The following ZNF250 variants were observed in gnomAD, a reference collection of about 807,000 sequenced individuals.
ZNF250 encodes the protein zinc finger protein 250, also known as zinc finger protein (clone 647).
A neutral mutation model predicts 37.1 loss-of-function variants in ZNF250; 13 were observed. The ratio of observed to expected loss-of-function variants is 0.35; its 90% CI spans 0.23 to 0.56. The LOEUF (loss-of-function observed/expected upper bound fraction) is 0.56, where lower values mean the gene tolerates loss of function less well. ZNF250 is among the 20% of genes least tolerant of loss of function. The pLI, the probability that ZNF250 is intolerant of heterozygous loss-of-function variation, is 0.87. For synonymous variants in ZNF250, 251 were observed against 265.6 expected, an observed-to-expected ratio of 0.94 and a Z score of 0.54; for missense variants, 474 against 697.9, an observed-to-expected ratio of 0.68 and a Z score of 3.61.
chr8:144,897,045 A>G lies in ZNF250; in HGVS notation c.-55+4354T>C, dbSNP rs2129883923. On this transcript the variant is annotated intron_variant, in intron 1 of 5. Coordinates refer to ENST00000417550, the MANE Select transcript of ZNF250 (RefSeq NM_001109689.4). This position sits in a 1 kb window ranked among gnomAD's most constrained non-coding sequence, Gnocchi z 5.2. ...CTGGCTTTCCAGTTTTCTTTAGGTG[A>G]TCAAAAGCCACATCGCAGTGAGACA... Among the ~76,000 whole-genome samples, 1 of 152,362 alleles carries G rather than the reference A, an allele frequency of 6.6e-6. No individual in the cohort carries two copies. The highest frequency in any genetic ancestry group is 6.5e-5 in the Admixed American group (1 of 15,302).
intron 5 of ZNF250, among the ~76,000 whole-genome samples, chr8:144,884,913 C>T (rs144293419): frequency 6.6e-6 from 1 of 152,126 alleles, no homozygotes; most frequent in East Asian, 1.9e-4. Context: ...TTCCACTTTA[C>T]TGATGAATAA....
intron 1 of ZNF250, chr8:144,895,030 A>C (rs1832616584): frequency 6.6e-6 from 1 of 152,192 alleles, no homozygotes; most frequent in Admixed American, 6.6e-5. Context: ...ATAGCCAAGT[A>C]CGGAGTCAAC....
chr8:144,902,076 C>G (rs951301820), upstream of ZNF250: 3 of 152,390 alleles, frequency 2.0e-5, no homozygotes, highest in Admixed American at 2.0e-4. Context: ...GCTGCGAGGT[C>G]CGAGGCGCAG....
In ZNF250 at chr8:144,890,672, C is replaced by A. The variant is rs1201361472; in HGVS notation, c.-54-269G>T. Among the ~76,000 whole-genome samples the A allele has an allele frequency of 6.6e-6, 1 of 152,154 alleles. No individual in the cohort carries two copies. Among genetic ancestry groups the A allele is most frequent in the Non-Finnish European group, 1.5e-5 (1 of 68,020 alleles). On this transcript the variant is annotated intron_variant, in intron 1 of 5. Coordinates refer to ENST00000417550, the MANE Select transcript of ZNF250 (RefSeq NM_001109689.4). This position sits in a 1 kb window ranked among gnomAD's most constrained non-coding sequence, Gnocchi z 5.1. ...CTCTCTGAACACCAGGTGCAAGGCA[C>A]TTGCTGCACCCTGGTCCCGGCCCAT...
intron 3 of ZNF250, 104 bp downstream of exon 3, chr8:144,889,829 G>T: frequency 1.4e-6 from 2 of 1,481,008 alleles, no homozygotes; most frequent in Non-Finnish European, 1.8e-6. Context: ...GAGGTGATGA[G>T]AGCAAACCTC....
chr8:144,898,322 CAAACAAAACAAAACAAAACA>C (rs139656437), intron 1 of ZNF250, among the ~76,000 whole-genome samples: 1 of 151,560 alleles, frequency 6.6e-6, no homozygotes, highest in Non-Finnish European at 1.5e-5. Context: ...AATAAACAAA[CAAACAAAACAAAACAAAACA>C]AAACAAAACA....
In ZNF250 at chr8:144,882,649, G is replaced by T. The variant is rs1447574475; in HGVS notation, c.534C>A (p.Ser178Arg). 2.5e-6 allele frequency: 4 copies of T among 1,614,024 alleles called. No individual in the cohort carries two copies. Among genetic ancestry groups the T allele is most frequent in the Admixed American group, 3.3e-5 (2 of 60,028 alleles). Residue 178 changes from serine (S) to arginine (R), a missense_variant, in exon 6 of 6, where the codon AGC becomes AGA. This residue lies in a region of ZNF250 where 192 missense variants were observed against 227.5 expected (regional missense o/e 0.84). Coordinates refer to ENST00000417550, the MANE Select transcript of ZNF250 (RefSeq NM_001109689.4). The surrounding 1 kb of genome is among the most constrained non-coding windows in gnomAD (Gnocchi z 5.5). The part of the protein sequence containing the change: ...DHREVQVLSQ[S>R]MPLTPHQAVP... ...CTGCCTGGTGCGGAGTGAGTGGCAT[G>T]CTTTGGCTTAAGACCTGAACTTCAC...
chr8:144,881,902 G>T lies in ZNF250; in HGVS notation c.1281C>A (p.Phe427Leu), dbSNP rs1450467717. ...GCTGGATCAGGTGTGAGTGCTGAAC[G>T]AAGGCCTTCCCACATTCGTAGCATG... ...PYACYECGKAFVQHSHLIQHQ... is the reference protein window; with the variant it reads ...PYACYECGKALVQHSHLIQHQ... The change falls in exon 6 of 6, where the codon TTC (phenylalanine) becomes TTA (leucine). Residue 427 changes from phenylalanine to leucine, a missense_variant. This residue lies in a region of ZNF250 where 282 missense variants were observed against 470.4 expected (regional missense o/e 0.60). Coordinates refer to ENST00000417550, the MANE Select transcript of ZNF250 (RefSeq NM_001109689.4). 6.2e-7 allele frequency: 1 copy of T among 1,614,082 alleles called. No individual in the cohort carries two copies. The highest frequency in any genetic ancestry group is 8.5e-7 in the Non-Finnish European group (1 of 1,180,008).
chr8:144,895,909 T>C (rs767993281), intron 1 of ZNF250, among the ~76,000 whole-genome samples: 3 of 148,544 alleles, frequency 2.0e-5, no homozygotes, highest in Non-Finnish European at 3.0e-5. Context: ...CTCAGGAGGC[T>C]GAGGCAAGAA....
At position 144,893,361 on chromosome 8, in the gene ZNF250, C is replaced by T. The variant is rs1388195617; in HGVS notation, c.-54-2958G>A. Reference sequence around the variant, plus strand: ...ATTTCTTTATTTTGAAACAGAATCTCGCTCTGTCACCCAGGCTGGAGTGCA... The same window carrying T: ...ATTTCTTTATTTTGAAACAGAATCTTGCTCTGTCACCCAGGCTGGAGTGCA... On this transcript the variant is annotated intron_variant, in intron 1 of 5. Coordinates refer to ENST00000417550, the MANE Select transcript of ZNF250 (RefSeq NM_001109689.4). 6.6e-5 allele frequency among the ~76,000 whole-genome samples: 10 copies of T among 150,950 alleles called. No homozygotes were observed. In the South Asian group the frequency reaches 1.9e-3, roughly 29 times the overall value.
At position 144,890,154 on chromosome 8, in the gene ZNF250, G is replaced by C. The variant is rs1044087705; in HGVS notation, c.43-95C>G. ...ACATGTGACATGAGCAGTTGGCAGTGGGGGGCTCTGTGAGCTGAGGTGGGT... is the reference window on the plus strand; with the variant it reads ...ACATGTGACATGAGCAGTTGGCAGTCGGGGGCTCTGTGAGCTGAGGTGGGT... On this transcript the variant is annotated intron_variant, in intron 2 of 5. Coordinates refer to ENST00000417550, the MANE Select transcript of ZNF250 (RefSeq NM_001109689.4). The surrounding 1 kb of genome is among the most constrained non-coding windows in gnomAD (Gnocchi z 5.1). The C allele has an allele frequency of 3.2e-6, 5 of 1,551,538 alleles. No homozygotes were observed. The East Asian group carries it at 9.6e-5, about 30-fold the overall frequency.
rs1056321077 is a variant in ZNF250, at chr8:144,901,366, C to G, written c.-55+33G>C. On this transcript the variant is annotated intron_variant, in intron 1 of 5. Transcript: ENST00000417550. This position sits in a 1 kb window ranked among gnomAD's most constrained non-coding sequence, Gnocchi z 5.4. ...TCCGGTGTCCGTGATGGGAGAGGGT[C>G]CTGGCCGGCGACGACACGCGCCCCC... 2.0e-5 allele frequency: 3 copies of G among 152,654 alleles called. No homozygotes were observed. Among genetic ancestry groups the G allele is most frequent in the African/African-American group, 4.8e-5 (2 of 41,428 alleles). 9.5% of individuals were successfully genotyped at this position (152,654 alleles called of 1,614,324 possible). A position where few individuals can be genotyped will look rare whatever the true frequency, so the allele number is the denominator to read the frequency against.
intron 1 of ZNF250, among the ~76,000 whole-genome samples, chr8:144,895,933 T>G (rs541673602): frequency 4.2e-4 from 60 of 142,918 alleles, no homozygotes; most frequent in African/African-American, 1.6e-3. Flanking sequence ...AGCTTGAACC[T>G]GGGAGACAGA....
chr8:144,877,583 C>A lies in ZNF250; in HGVS notation c.*3932G>T, dbSNP rs1831209955. 1 of 152,162 alleles carries A rather than the reference C, an allele frequency of 6.6e-6. No homozygotes were observed. The highest frequency in any genetic ancestry group is 2.4e-5 in the African/African-American group (1 of 41,424). The allele number at this position is 152,162 out of a possible 1,614,324, so 9.4% of individuals were successfully genotyped here. ...AGTAGGTCATGTGCCACCTCTTTCT[C>A]CTTGGAGAGGAGGAGGTGAGTGGCA... On this transcript the variant is annotated 3_prime_UTR_variant, in exon 6 of 6. Coordinates refer to ENST00000417550, the MANE Select transcript of ZNF250 (RefSeq NM_001109689.4).
intron 4 of ZNF250, among the ~76,000 whole-genome samples, chr8:144,887,316 A>G (rs939258466): frequency 2.6e-5 from 4 of 151,526 alleles, no homozygotes; most frequent in African/African-American, 4.9e-5. Context: ...TACAACATGT[A>G]ATTTACTGAG....
rs61745633 is a variant in ZNF250 at position 144,882,256 on chromosome 8, C to T, written c.927G>A (p.Pro309=). 2,958 of 1,613,838 alleles carry T rather than the reference C, an allele frequency of 1.8e-3. 42 individuals are homozygous for T. In the African/African-American group the frequency reaches 0.031, roughly 17 times the overall value. The stretch of plus-strand genomic sequence containing the variant: ...TATGGTTGAAGGCTTTCCCACACAA[C>T]GGACACACATATGGCCTTTCTCCCG... The part of the protein sequence containing the change: ...IHTGERPYVC[P]LCGKAFNHST... Residue 309 remains proline (P), a synonymous_variant, in exon 6 of 6, where the codon CCG becomes CCA. Coordinates refer to ENST00000417550, the MANE Select transcript of ZNF250 (RefSeq NM_001109689.4). This position sits in a 1 kb window ranked among gnomAD's most constrained non-coding sequence, Gnocchi z 5.5.
chr8:144,885,597 G>T (rs1414501504), intron 5 of ZNF250, among the ~76,000 whole-genome samples: 1 of 152,094 alleles, frequency 6.6e-6, no homozygotes, highest in Non-Finnish European at 1.5e-5. Flanking sequence ...CCATGTGGCT[G>T]GGATTACAGG....
At chr8:144,888,701 CAAT>C (rs1832088412) in intron 4 of ZNF250, among the ~76,000 whole-genome samples, 1 of 150,798 alleles carries the variant, frequency 6.6e-6, no homozygotes, top group African/African-American at 2.4e-5. Context: ...AAACTGCAAA[CAAT>C]GCTTTTTTCT....
In ZNF250 at chr8:144,890,442, G is replaced by A. The variant is rs1253882072; in HGVS notation, c.-54-39C>T. The A allele has an allele frequency of 1.7e-5, 22 of 1,301,936 alleles. No individual in the cohort carries two copies. The highest frequency in any genetic ancestry group is 2.2e-5 in the Non-Finnish European group (22 of 988,188). 80.6% of individuals were successfully genotyped at this position (1,301,936 alleles called of 1,614,324 possible). A position where few individuals can be genotyped will look rare whatever the true frequency, so the allele number is the denominator to read the frequency against. On this transcript the variant is annotated intron_variant, in intron 1 of 5. Transcript: ENST00000417550. This position sits in a 1 kb window ranked among gnomAD's most constrained non-coding sequence, Gnocchi z 5.1. ...GGGGGCAAGTGAGGGGCATGGCCTT[G>A]AGACCGTAACTTCCTAGGGGGCCCT...
Sources: allele counts gnomAD v4.1 joint callset (sites outside exome capture counted in the v4.1 genomes callset), GRCh38; gene constraint gnomAD v4.1.1; regional missense constraint gnomAD v4.1.1; non-coding constraint Gnocchi (gnomAD v3.1); transcripts MANE v1.5; gene names NCBI Gene and HGNC (gene_info 2026-07-23, HGNC 2026-07-21).